The following CACNA1C variants were observed in gnomAD, a reference collection of about 807,000 sequenced individuals.
CACNA1C encodes the protein calcium voltage-gated channel subunit alpha1 C.
Under a neutral mutation model 229.0 loss-of-function variants are expected in CACNA1C, and 30 were observed. The observed-to-expected ratio is 0.13, with a 90% CI of 0.10 to 0.18. CACNA1C has a LOEUF of 0.18. Among genes scored for constraint, CACNA1C ranks in the 10% least tolerant of loss-of-function variants. The pLI, the probability that CACNA1C is intolerant of heterozygous loss-of-function variation, is 1.00. For synonymous variants in CACNA1C, 1,114 were observed against 1,132.5 expected (o/e 0.98, Z 0.33); for missense variants, 1,658 against 2,845.0 (o/e 0.58, Z 9.49).
intron 3 of CACNA1C, among the ~76,000 whole-genome samples, chr12:2,351,055 A>G (rs771405010): frequency 2.6e-5 from 4 of 152,220 alleles, no homozygotes; most frequent in African/African-American, 7.2e-5. Context: ...TCTGAAGGCA[A>G]TTTCTGAGTG....
intron 5 of CACNA1C, among the ~76,000 whole-genome samples, chr12:2,474,094 A>G (rs566274520): frequency 6.6e-6 from 1 of 152,338 alleles, no homozygotes; most frequent in Admixed American, 6.5e-5. Flanking sequence ...AACTCATTCA[A>G]CTAGATAACT....
intron 8 of CACNA1C, among the ~76,000 whole-genome samples, chr12:2,509,973 T>A (rs995312133): frequency 6.6e-6 from 1 of 152,186 alleles, no homozygotes; most frequent in Non-Finnish European, 1.5e-5. Flanking sequence ...CTGGGTGGTA[T>A]CGATGATCAA....
intron 3 of CACNA1C, among the ~76,000 whole-genome samples, chr12:2,440,518 A>C (rs1163897475): frequency 6.6e-6 from 1 of 152,184 alleles, no homozygotes; most frequent in Non-Finnish European, 1.5e-5. Flanking sequence ...TTCATGGCTG[A>C]ATCTCAGGCA....
At chr12:2,640,992 T>G (rs970049728) in intron 30 of CACNA1C, among the ~76,000 whole-genome samples, 5 of 152,216 alleles carry the variant, frequency 3.3e-5, no homozygotes, top group African/African-American at 1.2e-4. Context: ...TGGCTGTCTC[T>G]GTCTGCCTTT....
intron 3 of CACNA1C, among the ~76,000 whole-genome samples, chr12:2,325,237 C>A (rs755597989): frequency 1.8e-4 from 28 of 152,206 alleles, no homozygotes; most frequent in Non-Finnish European, 3.7e-4. Context: ...GCCCACCATC[C>A]ATACTATCTG....
At chr12:2,616,227 T>C (rs2080479727) in intron 29 of CACNA1C, among the ~76,000 whole-genome samples, 1 of 152,104 alleles carries the variant, frequency 6.6e-6, no homozygotes, top group African/African-American at 2.4e-5. Flanking sequence ...AGCTGAAACC[T>C]CGGGAGGCCT....
intron 3 of CACNA1C, among the ~76,000 whole-genome samples, chr12:2,263,735 A>T (rs909324501): frequency 3.9e-5 from 6 of 152,022 alleles, no homozygotes; most frequent in Non-Finnish European, 7.4e-5. Context: ...GATGGACTCT[A>T]TATCTTGGCT....
rs3085990 is a variant in CACNA1C, at chr12:2,067,481, T to TGTGTGTGTGCGTGTGTGTGC, written c.49+13871_49+13872insTGTGTGTGCGTGTGTGTGCG. 1.4e-5 allele frequency among the ~76,000 whole-genome samples: 2 copies of TGTGTGTGTGCGTGTGTGTGC among 140,778 alleles called. No homozygotes were observed. The highest frequency in any genetic ancestry group is 5.5e-5 in the African/African-American group (2 of 36,648). 92.4% of individuals were successfully genotyped at this position (140,778 alleles called of 152,430 possible). A position where few individuals can be genotyped will look rare whatever the true frequency, so the allele number is the denominator to read the frequency against. ...GTGTGTGTGTGTGTGTGTGTGTGTG[T>TGTGTGTGTGCGTGTGTGTGC]GCGCGCGTGTGCGTGCCTGTATGTA... is the stretch of plus-strand genomic sequence containing the variant. On this transcript the variant is annotated intron_variant, in intron 1 of 46. Coordinates refer to ENST00000399655, the MANE Select transcript of CACNA1C (RefSeq NM_000719.7). The surrounding 1 kb of genome is among the most constrained non-coding windows in gnomAD (Gnocchi z 5.3).
intron 34 of CACNA1C, among the ~76,000 whole-genome samples, chr12:2,661,280 T>C (rs10161232): frequency 0.52 from 63,983 of 122,688 alleles, 17,263 homozygotes; most frequent in South Asian, 0.63. Flanking sequence ...TACACACACA[T>C]ACACACACAC....
chr12:2,469,214 A>G (rs2099577085), intron 5 of CACNA1C, among the ~76,000 whole-genome samples: 1 of 152,188 alleles, frequency 6.6e-6, no homozygotes, highest in Admixed American at 6.5e-5. Flanking sequence ...GCCTCTCACA[A>G]AAAGCTCACA....
chr12:2,000,158 A>G (rs770997263), intron 1 of CACNA1C, among the ~76,000 whole-genome samples: 9 of 152,238 alleles, frequency 5.9e-5, no homozygotes, highest in Admixed American at 5.2e-4. Flanking sequence ...TGATTCAGTC[A>G]GCAAGTATTC....
chr12:2,438,290 ATGGTGGTGG>A (rs755702533), intron 3 of CACNA1C, among the ~76,000 whole-genome samples: 2 of 122,648 alleles, frequency 1.6e-5, no homozygotes, highest in African/African-American at 3.4e-5. Context: ...AGTGGTAATG[ATGGTGGTGG>A]TGGTGGTGGT....
At chr12:2,430,105 A>G (rs1488051459) in intron 3 of CACNA1C, among the ~76,000 whole-genome samples, 1 of 152,144 alleles carries the variant, frequency 6.6e-6, no homozygotes, top group Admixed American at 6.5e-5. Context: ...GTGTCCTCAC[A>G]TGGTGGAAGG....
chr12:2,042,752 C>T (rs546465136), intron 1 of CACNA1C, among the ~76,000 whole-genome samples: 103 of 152,202 alleles, frequency 6.8e-4, no homozygotes, highest in African/African-American at 2.3e-3. Flanking sequence ...CTCCGGTGAA[C>T]GTGAAGACTG....
chr12:2,514,722 A>G (rs1002629450), intron 9 of CACNA1C, among the ~76,000 whole-genome samples: 12 of 152,194 alleles, frequency 7.9e-5, no homozygotes, highest in Non-Finnish European at 1.2e-4. Context: ...GAAAACCTGC[A>G]GTAGCCACTA....
intron 43 of CACNA1C, among the ~76,000 whole-genome samples, chr12:2,682,884 C>CAACACACCCAACTCCA: frequency 1.3e-5 from 1 of 77,192 alleles, no homozygotes; most frequent in Non-Finnish European, 3.0e-5. Flanking sequence ...ACACACCACA[C>CAACACACCCAACTCCA]ACACACACAG....
rs373824723 is a variant in CACNA1C, at chr12:2,667,854, A to G, written c.4623+1072A>G. On this transcript the variant is annotated intron_variant, in intron 37 of 46. Coordinates refer to ENST00000399655, the MANE Select transcript of CACNA1C (RefSeq NM_000719.7). ...CAGGAGGTCACCGTGTGAGCTGACA[A>G]ATAGCCCCCCTTGAGCATGCCCTTG... 4.6e-5 allele frequency among the ~76,000 whole-genome samples: 7 copies of G among 152,264 alleles called. No homozygotes were observed. The East Asian group carries it at 9.7e-4, about 21-fold the overall frequency.
At chr12:2,323,939 G>A (rs1242947535) in intron 3 of CACNA1C, among the ~76,000 whole-genome samples, 2 of 152,204 alleles carry the variant, frequency 1.3e-5, no homozygotes, top group Non-Finnish European at 2.9e-5. Context: ...GTGGTGGTGA[G>A]TGAAGGGCAT....
intron 11 of CACNA1C, among the ~76,000 whole-genome samples, chr12:2,560,084 G>A (rs917961988): frequency 8.5e-5 from 13 of 152,092 alleles, no homozygotes; most frequent in African/African-American, 1.2e-4. Flanking sequence ...TCCCATGCAC[G>A]GTAGCTGCAT....
Sources: allele counts gnomAD v4.1 joint callset (sites outside exome capture counted in the v4.1 genomes callset), GRCh38; gene constraint gnomAD v4.1.1; non-coding constraint Gnocchi (gnomAD v3.1); transcripts MANE v1.5; gene names NCBI Gene and HGNC (gene_info 2026-07-23, HGNC 2026-07-21).